The following PDZRN4 variants were observed in gnomAD, a reference collection of about 807,000 sequenced individuals.
PDZRN4 encodes the protein PDZ domain containing ring finger 4.
Under a neutral mutation model 99.0 loss-of-function variants are expected in PDZRN4, and 70 were observed. That is an observed-to-expected ratio of 0.71 (90% CI 0.58 to 0.86). The LOEUF (loss-of-function observed/expected upper bound fraction) is 0.86. PDZRN4 is among the 40% of genes least tolerant of loss of function. The probability of loss-of-function intolerance (pLI) is 0.00; values close to 1 mark genes in which losing one functional copy is unlikely to be tolerated. For synonymous variants in PDZRN4, 551 were observed against 501.6 expected, an observed-to-expected ratio of 1.10 and a Z score of -1.32; for missense variants, 1,474 against 1,331.2, an observed-to-expected ratio of 1.11 and a Z score of -1.67.
intron 3 of PDZRN4, among the ~76,000 whole-genome samples, chr12:41,266,826 T>C (rs1951280284): frequency 6.6e-6 from 1 of 152,240 alleles, no homozygotes; most frequent in African/African-American, 2.4e-5. Flanking sequence ...AATTGATAAA[T>C]GATGCTGTCT....
intron 3 of PDZRN4, among the ~76,000 whole-genome samples, chr12:41,440,713 A>T (rs768681707): frequency 1.3e-5 from 2 of 152,214 alleles, no homozygotes; most frequent in African/African-American, 4.8e-5. Flanking sequence ...GGGTGGACCC[A>T]GTAACCTTCA....
chr12:41,380,951 C>A (rs988993229), intron 3 of PDZRN4, among the ~76,000 whole-genome samples: 5 of 152,066 alleles, frequency 3.3e-5, no homozygotes, highest in South Asian at 2.1e-4. Flanking sequence ...TTTAGAAAAG[C>A]CTTTATCTCT....
chr12:41,332,371 C>T (rs916695518), intron 3 of PDZRN4, among the ~76,000 whole-genome samples: 1 of 151,742 alleles, frequency 6.6e-6, no homozygotes, highest in Non-Finnish European at 1.5e-5. Context: ...GTCTTTAGGA[C>T]CATAATATTG....
intron 3 of PDZRN4, among the ~76,000 whole-genome samples, chr12:41,274,127 T>C (rs967451542): frequency 8.6e-5 from 13 of 152,046 alleles, no homozygotes; most frequent in Non-Finnish European, 1.8e-4. Context: ...CACCAATAAG[T>C]GGTAGAATAA....
chr12:41,558,523 A>G (rs150624527), intron 7 of PDZRN4, among the ~76,000 whole-genome samples: 1 of 152,306 alleles, frequency 6.6e-6, no homozygotes, highest in Non-Finnish European at 1.5e-5. Context: ...TTCTGTGGGT[A>G]TAGTTGGATG....
At chr12:41,438,714 G>C (rs1952653061) in intron 3 of PDZRN4, among the ~76,000 whole-genome samples, 2 of 152,094 alleles carry the variant, frequency 1.3e-5, no homozygotes, top group South Asian at 4.1e-4. Flanking sequence ...GTGTATCTGA[G>C]GGCTTTTAGG....
At chr12:41,418,272 G>C (rs983942936) in intron 3 of PDZRN4, among the ~76,000 whole-genome samples, 1 of 151,980 alleles carries the variant, frequency 6.6e-6, no homozygotes, top group Non-Finnish European at 1.5e-5. Context: ...TTCATTCTAC[G>C]GAACATTAAT....
chr12:41,321,032 C>T (rs1335802300), intron 3 of PDZRN4, among the ~76,000 whole-genome samples: 2 of 152,014 alleles, frequency 1.3e-5, no homozygotes, highest in Admixed American at 1.3e-4. Context: ...GATAATCATA[C>T]CCCTGAAACA....
intron 3 of PDZRN4, among the ~76,000 whole-genome samples, chr12:41,223,852 G>T (rs542341550): frequency 5.3e-5 from 8 of 152,336 alleles, no homozygotes; most frequent in African/African-American, 7.2e-5. Flanking sequence ...TAAGGCTGCA[G>T]CCCCTTTATG....
intron 3 of PDZRN4, among the ~76,000 whole-genome samples, chr12:41,388,013 G>A (rs1643241027): frequency 1.3e-5 from 2 of 152,142 alleles, no homozygotes; most frequent in African/African-American, 4.8e-5. Context: ...CAAATACATG[G>A]AACAAACTTA....
rs908785816 is a variant in PDZRN4 at position 41,439,435 on chromosome 12, A to G, written c.844-67021A>G. Among the ~76,000 whole-genome samples, 4 of 152,124 alleles carry G rather than the reference A, an allele frequency of 2.6e-5. 1 individual carries two copies. Among genetic ancestry groups the G allele is most frequent in the Non-Finnish European group, 5.9e-5 (4 of 68,018 alleles). On this transcript the variant is annotated intron_variant, in intron 3 of 9. Coordinates refer to ENST00000402685, the MANE Select transcript of PDZRN4 (RefSeq NM_001164595.2). ...GAGGAGCAGAGGAGTGGATTCATCA[A>G]TCTTTTTATTTAATCTGAATTACTA... is the stretch of plus-strand genomic sequence containing the variant.
intron 3 of PDZRN4, among the ~76,000 whole-genome samples, chr12:41,491,436 C>T (rs749310403): frequency 8.5e-5 from 13 of 152,102 alleles, no homozygotes; most frequent in Non-Finnish European, 1.8e-4. Flanking sequence ...GCAGGAGAAT[C>T]GCTTGAACCT....
At chr12:41,345,982 G>C (rs541202673) in intron 3 of PDZRN4, among the ~76,000 whole-genome samples, 1 of 151,868 alleles carries the variant, frequency 6.6e-6, no homozygotes, top group Non-Finnish European at 1.5e-5. Context: ...AGTATTTTTA[G>C]TGTTTACTGG....
At chr12:41,556,013 C>T (rs1023808789) in intron 7 of PDZRN4, among the ~76,000 whole-genome samples, 4 of 152,112 alleles carry the variant, frequency 2.6e-5, no homozygotes, top group African/African-American at 9.7e-5. Flanking sequence ...CCAGCTTCAC[C>T]ATTTGCTTGG....
intron 5 of PDZRN4, among the ~76,000 whole-genome samples, chr12:41,522,609 C>T (rs1334576527): frequency 2.0e-5 from 3 of 152,020 alleles, no homozygotes; most frequent in East Asian, 1.9e-4. Flanking sequence ...CTGGACTGGC[C>T]GTTTTATATG....
chr12:41,230,633 C>G (rs1251349979), intron 3 of PDZRN4, among the ~76,000 whole-genome samples: 1 of 152,040 alleles, frequency 6.6e-6, no homozygotes, highest in Non-Finnish European at 1.5e-5. Context: ...TCAGTAACAT[C>G]CTAGTCTTCC....
chr12:41,339,438 T>C (rs1462186823), intron 3 of PDZRN4, among the ~76,000 whole-genome samples: 1 of 152,048 alleles, frequency 6.6e-6, no homozygotes, highest in Non-Finnish European at 1.5e-5. Context: ...GAAGTAAAGA[T>C]TTAAATCTAA....
chr12:41,371,304 G>A (rs748368370), intron 3 of PDZRN4, among the ~76,000 whole-genome samples: 1 of 151,600 alleles, frequency 6.6e-6, no homozygotes, highest in South Asian at 2.1e-4. Context: ...AACTGTATAT[G>A]GCACTGGCTA....
chr12:41,300,641 TA>T (rs1222514125), intron 3 of PDZRN4, among the ~76,000 whole-genome samples: 2 of 151,956 alleles, frequency 1.3e-5, no homozygotes, highest in African/African-American at 4.8e-5. Flanking sequence ...ATGTGTACAT[TA>T]AGGAAATAAA....
Sources: gnomAD v4.1 joint callset for allele counts (sites outside exome capture counted in the v4.1 genomes callset) on GRCh38, gnomAD v4.1.1 for gene constraint, MANE v1.5 for transcripts, NCBI Gene and HGNC (gene_info 2026-07-23, HGNC 2026-07-21) for gene names.